The following CYP19A1 variants were observed in gnomAD, a reference collection of about 807,000 sequenced individuals.
CYP19A1 encodes the protein cytochrome P450 family 19 subfamily A member 1.
A neutral mutation model predicts 44.4 loss-of-function variants in CYP19A1; 32 were observed. The ratio of observed to expected loss-of-function variants is 0.72; its 90% CI spans 0.54 to 0.97. CYP19A1 has a LOEUF of 0.97. CYP19A1 is among the 50% of genes least tolerant of loss of function. CYP19A1 has a pLI of 0.00. For synonymous variants in CYP19A1, 212 were observed against 215.6 expected (o/e 0.98, Z 0.14); for missense variants, 598 against 637.8 (o/e 0.94, Z 0.67).
At chr15:51,286,998 C>A (rs2035718528) in intron 1 of CYP19A1, among the ~76,000 whole-genome samples, 1 of 152,182 alleles carries the variant, frequency 6.6e-6, no homozygotes, top group African/African-American at 2.4e-5. Context: ...ACCTACCCAG[C>A]ACATTCATCT....
At chr15:51,213,495 G>A (rs2031241322) in intron 8 of CYP19A1, among the ~76,000 whole-genome samples, 1 of 152,104 alleles carries the variant, frequency 6.6e-6, no homozygotes, top group Admixed American at 6.5e-5. Flanking sequence ...TACTGCCCTT[G>A]GCACACTCAA....
intron 1 of CYP19A1, among the ~76,000 whole-genome samples, chr15:51,297,647 C>T (rs115406601): frequency 6.6e-6 from 1 of 152,066 alleles, no homozygotes; most frequent in Admixed American, 6.5e-5. Context: ...CTGCTCCCTC[C>T]CCTGTCTCCC....
chr15:51,261,367 C>T (rs1198379824), intron 1 of CYP19A1, among the ~76,000 whole-genome samples: 3 of 152,042 alleles, frequency 2.0e-5, no homozygotes, highest in Non-Finnish European at 2.9e-5. Context: ...AAGACCCACC[C>T]GTAACAGAAG....
At chr15:51,227,756 T>C (rs1264810323) in intron 4 of CYP19A1, 23 bp downstream of exon 4, 1 of 1,122,692 alleles carries the variant, frequency 8.9e-7, no homozygotes, top group South Asian at 1.2e-5. Context: ...AAAAAGATTG[T>C]AGCTAACTAA....
At chr15:51,337,509 A>T (rs963575444) in intron 1 of CYP19A1, among the ~76,000 whole-genome samples, 2 of 152,254 alleles carry the variant, frequency 1.3e-5, no homozygotes, top group African/African-American at 4.8e-5. Context: ...CATGCAGTTA[A>T]AAAACAGTTT....
At position 51,334,229 on chromosome 15, in the gene CYP19A1, G is replaced by A. The variant is rs760998756; in HGVS notation, c.-39+4266C>T. Among the ~76,000 whole-genome samples the A allele has an allele frequency of 1.6e-4, 24 of 152,094 alleles. 1 individual carries two copies. Among genetic ancestry groups the A allele is most frequent in the Non-Finnish European group, 3.2e-4 (22 of 68,028 alleles). On this transcript the variant is annotated intron_variant, in intron 1 of 9. Transcript: ENST00000396402. ...AGCATTCCTCAGTGGCCCAAGATGG[G>A]GGCCAAAAATTTCCTACTTTTGATA...
intron 1 of CYP19A1, among the ~76,000 whole-genome samples, chr15:51,320,533 C>G (rs2036509584): frequency 6.6e-6 from 1 of 152,218 alleles, no homozygotes; most frequent in Admixed American, 6.5e-5. Flanking sequence ...TTCAGGTACT[C>G]CATGTAAAGA....
At chr15:51,305,566 GT>G (rs1234483334) in intron 1 of CYP19A1, among the ~76,000 whole-genome samples, 1 of 151,868 alleles carries the variant, frequency 6.6e-6, no homozygotes, top group Non-Finnish European at 1.5e-5. Context: ...GTGTGTTTTC[GT>G]TTGTTTGTTT....
At chr15:51,306,829 G>C (rs1423677640) in intron 1 of CYP19A1, among the ~76,000 whole-genome samples, 1 of 152,196 alleles carries the variant, frequency 6.6e-6, no homozygotes, top group African/African-American at 2.4e-5. Flanking sequence ...AAATTATCTA[G>C]AGTCCAGGCA....
chr15:51,274,066 C>G (rs562746669), intron 1 of CYP19A1, among the ~76,000 whole-genome samples: 2 of 152,178 alleles, frequency 1.3e-5, no homozygotes, highest in South Asian at 4.1e-4. Context: ...CCAGAATTGC[C>G]AGATAAAAGG....
At chr15:51,272,353 G>C (rs1030836353) in intron 1 of CYP19A1, among the ~76,000 whole-genome samples, 1 of 152,154 alleles carries the variant, frequency 6.6e-6, no homozygotes, top group Admixed American at 6.5e-5. Flanking sequence ...TTCAAGACAA[G>C]GATCATGTCT....
intron 5 of CYP19A1, among the ~76,000 whole-genome samples, chr15:51,220,987 T>C (rs80176651): frequency 6.6e-6 from 1 of 151,278 alleles, no homozygotes; most frequent in South Asian, 2.1e-4. Context: ...TTTTTTTTTT[T>C]CATCAGTAGA....
At chr15:51,257,415 G>A (rs1407488039) in intron 1 of CYP19A1, among the ~76,000 whole-genome samples, 6 of 152,332 alleles carry the variant, frequency 3.9e-5, no homozygotes, top group African/African-American at 1.2e-4. Context: ...GGAAGGTGAA[G>A]GGTAGTGATT....
chr15:51,319,715 G>A (rs1486954292), intron 1 of CYP19A1, among the ~76,000 whole-genome samples: 6 of 152,170 alleles, frequency 3.9e-5, no homozygotes, highest in Non-Finnish European at 8.8e-5. Flanking sequence ...CAGTTAATGG[G>A]CATGAAAGGC....
chr15:51,321,361 C>T (rs1699985641), intron 1 of CYP19A1, among the ~76,000 whole-genome samples: 1 of 152,176 alleles, frequency 6.6e-6, no homozygotes, highest in African/African-American at 2.4e-5. Flanking sequence ...TCCTTCCCAG[C>T]CTGTGCTCAC....
At chr15:51,222,171 T>C in intron 5 of CYP19A1, 178 bp downstream of exon 5, 1 of 1,190,058 alleles carries the variant, frequency 8.4e-7, no homozygotes, top group Non-Finnish European at 1.1e-6. Flanking sequence ...TTATGGAAAT[T>C]TATATTTTAT....
At chr15:51,300,091 C>A (rs953930564) in intron 1 of CYP19A1, among the ~76,000 whole-genome samples, 1 of 152,170 alleles carries the variant, frequency 6.6e-6, no homozygotes, top group Non-Finnish European at 1.5e-5. Flanking sequence ...GCTTCCACAG[C>A]GTGTCTATCA....
At chr15:51,216,170 A>G (rs1005360331) in intron 6 of CYP19A1, among the ~76,000 whole-genome samples, 14 of 152,136 alleles carry the variant, frequency 9.2e-5, no homozygotes, top group Non-Finnish European at 7.4e-5. Flanking sequence ...AAAACAAAAA[A>G]ACCTGTGAGT....
At chr15:51,319,545 C>A (rs2036490062) in intron 1 of CYP19A1, among the ~76,000 whole-genome samples, 1 of 152,216 alleles carries the variant, frequency 6.6e-6, no homozygotes, top group African/African-American at 2.4e-5. Context: ...CTTATCTAAT[C>A]CTCATAACCC....
Sources: allele counts gnomAD v4.1 joint callset (sites outside exome capture counted in the v4.1 genomes callset), GRCh38; gene constraint gnomAD v4.1.1; transcripts MANE v1.5; gene names NCBI Gene and HGNC (gene_info 2026-07-23, HGNC 2026-07-21).